FBXO24: variants seen among roughly 807,000 people sequenced by gnomAD.
FBXO24 encodes F-box only protein 24.
In FBXO24, 30 loss-of-function variants were observed where a neutral mutation model predicts 63.5. The ratio of observed to expected loss-of-function variants is 0.47; its 90% confidence interval spans 0.35 to 0.64. FBXO24 has a LOEUF of 0.64. Among genes scored for constraint, FBXO24 ranks in the 30% least tolerant of loss-of-function variants. The probability of loss-of-function intolerance (pLI) is 0.00; values close to 1 mark genes in which losing one functional copy is unlikely to be tolerated. For missense variants in FBXO24, 624 were observed against 763.4 expected, an observed-to-expected ratio of 0.82 and a Z score of 2.15; for synonymous variants, 300 against 305.0, an observed-to-expected ratio of 0.98 and a Z score of 0.17.
intron 4 of FBXO24, 129 bp from the exon 5 acceptor site, chr7:100,592,654 A>T (rs1177907099): frequency 1.4e-6 from 1 of 699,718 alleles, no homozygotes; most frequent in Non-Finnish European, 2.5e-6. Context: ...CCACATAGGA[A>T]CCTGAAATCA....
In FBXO24 at chr7:100,591,753, C is replaced by T. The variant is rs373327055; in HGVS notation, c.409C>T (p.Arg137Cys). 84 of 1,614,124 alleles carry T rather than the reference C, an allele frequency of 5.2e-5. No individual in the cohort carries two copies. The highest frequency in any genetic ancestry group is 6.7e-5 in the Non-Finnish European group (79 of 1,180,040). Residue 137 changes from arginine to cysteine, a missense_variant, in exon 4 of 10, where the codon CGC (arginine) becomes TGC (cysteine). Transcript: ENST00000241071. ...GGCCCCCTTGCTAGCCCACGGCTAC[C>T]GCCGCTTCTTGCCCACCAAGGATCA... is the stretch of plus-strand genomic sequence containing the variant. The part of the protein sequence containing the change: ...SVAPLLAHGY[R>C]RFLPTKDHVF...
At chr7:100,587,907 C>G (rs1801832379) in intron 1 of FBXO24, among the ~76,000 whole-genome samples, 1 of 151,266 alleles carries the variant, frequency 6.6e-6, no homozygotes, top group African/African-American at 2.4e-5. Context: ...CCACAGTGGA[C>G]TTTTTCTTTC....
In FBXO24 at chr7:100,591,939, G is replaced by A. The variant is rs761236616; in HGVS notation, c.558+37G>A. 5.0e-6 allele frequency: 8 copies of A among 1,598,630 alleles called. No individual in the cohort carries two copies. In the African/African-American group the frequency reaches 6.7e-5, roughly 13 times the overall value. ...AACCCTGGCAGCTGAGAGCCCACCT[G>A]TATTAGTCCATTTTCACACTGCTAT... On this transcript the variant is annotated intron_variant, in intron 4 of 9. Transcript: ENST00000241071.
chr7:100,593,534 A>G (rs1802135403), intron 5 of FBXO24, among the ~76,000 whole-genome samples: 1 of 151,738 alleles, frequency 6.6e-6, no homozygotes, highest in Admixed American at 6.6e-5. Flanking sequence ...AGGCTGAGGC[A>G]GGAGAATCCC....
At chr7:100,592,095 C>T (rs940709635) in intron 4 of FBXO24, 193 bp downstream of exon 4, 13 of 544,854 alleles carry the variant, frequency 2.4e-5, no homozygotes, top group Non-Finnish European at 3.3e-6. Context: ...CCCGTCTCTA[C>T]TAAAAATACA....
chr7:100,589,948 T>G, intron 1 of FBXO24, 29 bp from the exon 2 acceptor site: 1 of 1,602,784 alleles, frequency 6.2e-7, no homozygotes, highest in Non-Finnish European at 8.5e-7. Flanking sequence ...GGGACCCTCA[T>G]GGGACCCTAT....
chr7:100,599,980 C>CGTGGGGGG, intron 8 of FBXO24, 51 bp from the exon 9 acceptor site: 1 of 1,478,256 alleles, frequency 6.8e-7, no homozygotes, highest in Non-Finnish European at 9.3e-7. Flanking sequence ...CACCCCAGCC[C>CGTGGGGGG]CCCCGTCCCT....
chr7:100,592,404 A>T, intron 4 of FBXO24: 1 of 275,376 alleles, frequency 3.6e-6, no homozygotes, highest in Non-Finnish European at 7.0e-6. Context: ...GCAGCAGGCG[A>T]GAGCACACAA....
rs1390299275 is a variant in FBXO24, at chr7:100,600,639, A to C, written c.1483A>C (p.Arg495=). The stretch of plus-strand genomic sequence containing the variant: ...CCCCTATCGCCACCTGCCAGCCAGC[A>C]GGGTGGTGGGGACTCCTGAGCCCAG... ...HAPYRHLPAS[R]VVGTPEPSLG... Residue 495 remains arginine (R), a synonymous_variant, in exon 10 of 10, where the codon AGG becomes CGG. Coordinates refer to ENST00000241071, the MANE Select transcript of FBXO24 (RefSeq NM_033506.3). This position sits in a 1 kb window ranked among gnomAD's most constrained non-coding sequence, Gnocchi z 6.3. 1 of 1,613,880 alleles carries C rather than the reference A, an allele frequency of 6.2e-7. No homozygotes were observed. The highest frequency in any genetic ancestry group is 1.7e-5 in the Admixed American group (1 of 60,004).
At position 100,600,231 on chromosome 7, in the gene FBXO24, C is replaced by A; in HGVS notation, c.1377+30C>A. Reference sequence around the variant, plus strand: ...GAGCGGGGTCAGGAGAGTGGGCACCCAGGGAGGATGAGAGCCATGAACCAG... The same window carrying A: ...GAGCGGGGTCAGGAGAGTGGGCACCAAGGGAGGATGAGAGCCATGAACCAG... On this transcript the variant is annotated intron_variant, in intron 9 of 9. Transcript: ENST00000241071. This position sits in a 1 kb window ranked among gnomAD's most constrained non-coding sequence, Gnocchi z 6.3. 1.3e-6 allele frequency: 2 copies of A among 1,493,390 alleles called. No individual in the cohort carries two copies. The highest frequency in any genetic ancestry group is 1.8e-6 in the Non-Finnish European group (2 of 1,116,158). 92.5% of individuals were successfully genotyped at this position (1,493,390 alleles called of 1,614,324 possible).
intron 6 of FBXO24, 88 bp from the exon 7 acceptor site, chr7:100,595,014 G>A: frequency 6.4e-7 from 1 of 1,564,674 alleles, no homozygotes; most frequent in Non-Finnish European, 8.7e-7. Flanking sequence ...GAGACTCCTT[G>A]GATCTTGTAG....
At chr7:100,589,801 G>T in intron 1 of FBXO24, 176 bp from the exon 2 acceptor site, 2 of 1,520,898 alleles carry the variant, frequency 1.3e-6, no homozygotes, top group Non-Finnish European at 1.8e-6. Context: ...CGGGTGAGGG[G>T]GATTGGCCGC....
intron 1 of FBXO24, among the ~76,000 whole-genome samples, chr7:100,588,684 C>T (rs1160795523): frequency 6.6e-6 from 1 of 152,120 alleles, no homozygotes; most frequent in Non-Finnish European, 1.5e-5. Flanking sequence ...AATGTCACCC[C>T]ACATAAGACA....
At chr7:100,591,356 G>C (rs190031704) in intron 3 of FBXO24, among the ~76,000 whole-genome samples, 2 of 152,052 alleles carry the variant, frequency 1.3e-5, no homozygotes, top group African/African-American at 2.4e-5. Context: ...GGTGGATGCC[G>C]CACGCAGCCT....
At chr7:100,593,060 ATTCCTCAGACCCTGCTGCAGAGGAGG>A in intron 5 of FBXO24, 43 bp downstream of exon 5, 1 of 1,550,864 alleles carries the variant, frequency 6.4e-7, no homozygotes, top group Non-Finnish European at 8.9e-7. Context: ...TTTCCTGCAG[ATTCCTCAGACCCTGCTGCAGAGGAGG>A]GGGAGGGAGG....
intron 5 of FBXO24, among the ~76,000 whole-genome samples, chr7:100,593,672 C>T (rs1263529371): frequency 6.6e-6 from 1 of 150,712 alleles, no homozygotes; most frequent in Non-Finnish European, 1.5e-5. Context: ...TGGCATGGAC[C>T]TGTAGTCCCA....
intron 8 of FBXO24, among the ~76,000 whole-genome samples, chr7:100,599,088 T>A (rs574104793): frequency 2.6e-5 from 4 of 151,936 alleles, no homozygotes; most frequent in Non-Finnish European, 1.5e-5. Flanking sequence ...AAATTTAAAA[T>A]TTAAAAATTA....
At chr7:100,595,370 G>C (rs749510516) in intron 7 of FBXO24, 147 bp downstream of exon 7, 2 of 1,449,812 alleles carry the variant, frequency 1.4e-6, no homozygotes, top group Non-Finnish European at 1.9e-6. Flanking sequence ...CTGGGGGCTC[G>C]GTGCGGAGGG....
intron 4 of FBXO24, 84 bp from the exon 5 acceptor site, chr7:100,592,699 C>A: frequency 9.3e-7 from 1 of 1,072,924 alleles, no homozygotes; most frequent in Non-Finnish European, 1.4e-6. Context: ...CCAAGCATTT[C>A]ACTTCCCACC....
Sources: gnomAD v4.1 joint callset for allele counts (sites outside exome capture counted in the v4.1 genomes callset) on GRCh38, gnomAD v4.1.1 for gene constraint, Gnocchi (gnomAD v3.1) non-coding constraint, MANE v1.5 for transcripts, NCBI Gene and HGNC (gene_info 2026-07-23, HGNC 2026-07-21) for gene names.